The following FDFT1 variants were observed in gnomAD, a reference collection of about 807,000 sequenced individuals.
FDFT1 encodes farnesyl-diphosphate farnesyltransferase 1.
Under a neutral mutation model 46.8 loss-of-function variants are expected in FDFT1, and 68 were observed. The ratio of observed to expected loss-of-function variants is 1.45; its 90% CI spans 1.19 to 1.78. The LOEUF is 1.78. Among genes scored for constraint, FDFT1 ranks in the 40% most tolerant of loss-of-function variants. The pLI is 0.00. For missense variants in FDFT1, 928 were observed against 524.4 expected (o/e 1.77, Z -7.52); for synonymous variants, 351 against 185.1 (o/e 1.90, Z -7.28).
At chr8:11,802,272 G>C (rs1176553818), upstream of FDFT1, 3 of 382,896 alleles carry the variant, frequency 7.8e-6, no homozygotes, top group South Asian at 3.8e-5. Flanking sequence ...TACAGAGAGC[G>C]GCTGCAGAGC....
intron 2 of FDFT1, 55 bp from the exon 3 acceptor site, chr8:11,809,612 T>TA: frequency 6.6e-7 from 1 of 1,503,796 alleles, no homozygotes; most frequent in Admixed American, 2.2e-5. Flanking sequence ...TATTTTAAAA[T>TA]AAAAAATCTT....
chr8:11,797,477 C>T (rs1221302350), upstream of FDFT1, among the ~76,000 whole-genome samples: 2 of 151,744 alleles, frequency 1.3e-5, no homozygotes, highest in Admixed American at 6.6e-5. Flanking sequence ...TTTGTTTTTT[C>T]CCATGTCTCC....
At chr8:11,808,719 CA>C in intron 1 of FDFT1, 74 bp from the exon 2 acceptor site, 1 of 1,460,200 alleles carries the variant, frequency 6.8e-7, no homozygotes, top group African/African-American at 1.6e-5. Context: ...GTCCCACTCC[CA>C]CTCCCACTCC....
chr8:11,814,785 A>G (rs990941149), intron 3 of FDFT1, among the ~76,000 whole-genome samples: 12 of 150,986 alleles, frequency 7.9e-5, no homozygotes, highest in Non-Finnish European at 1.3e-4. Flanking sequence ...GCTTCATAAT[A>G]TAAATTGGGT....
chr8:11,814,599 A>G (rs1046819142), intron 3 of FDFT1, among the ~76,000 whole-genome samples: 1 of 152,198 alleles, frequency 6.6e-6, no homozygotes, highest in East Asian at 1.9e-4. Context: ...TAACCTATAA[A>G]CAATTCTTTG....
At chr8:11,806,283 C>T (rs1020350160) in intron 1 of FDFT1, among the ~76,000 whole-genome samples, 3 of 152,172 alleles carry the variant, frequency 2.0e-5, no homozygotes, top group African/African-American at 7.2e-5. Context: ...GAGGGACAGG[C>T]ACCAGTAGCC....
At chr8:11,836,148 A>G (rs543167968) in intron 7 of FDFT1, among the ~76,000 whole-genome samples, 939 of 72,806 alleles carry the variant, frequency 0.013, 11 homozygotes, top group African/African-American at 0.034. Context: ...GCGAGACACC[A>G]TCTTAAAAAA....
intron 3 of FDFT1, among the ~76,000 whole-genome samples, chr8:11,812,502 C>A (rs918147399): frequency 6.6e-5 from 10 of 152,188 alleles, no homozygotes; most frequent in African/African-American, 1.9e-4. Context: ...ATATGGGGAT[C>A]AGCTGTCTGT....
chr8:11,795,987 A>C (rs1168200901), exon 1 of FDFT1: 1 of 152,246 alleles, frequency 6.6e-6, no homozygotes, highest in Non-Finnish European at 1.5e-5. Flanking sequence ...AATTCCGGAC[A>C]CACTTGGACT....
At chr8:11,831,420 C>A in intron 6 of FDFT1, 98 bp from the exon 7 acceptor site, 3 of 999,556 alleles carry the variant, frequency 3.0e-6, no homozygotes, top group South Asian at 1.5e-5. Flanking sequence ...TAGCAGTTAG[C>A]AATTGCCCAT....
intron 1 of FDFT1, among the ~76,000 whole-genome samples, chr8:11,806,156 TGTC>T (rs1044166282): frequency 1.3e-5 from 2 of 152,270 alleles, no homozygotes; most frequent in East Asian, 1.9e-4. Flanking sequence ...AGTCTGGTCT[TGTC>T]GTCTTCCTGA....
intron 3 of FDFT1, among the ~76,000 whole-genome samples, chr8:11,814,476 C>G (rs948799094): frequency 3.4e-5 from 5 of 145,934 alleles, no homozygotes; most frequent in Non-Finnish European, 7.4e-5. Flanking sequence ...TAAACACAGA[C>G]CAGGTATATT....
intron 5 of FDFT1, among the ~76,000 whole-genome samples, chr8:11,828,335 A>G (rs1810298329): frequency 6.6e-6 from 1 of 152,208 alleles, no homozygotes; most frequent in African/African-American, 2.4e-5. Flanking sequence ...CACTTCCCTC[A>G]GCTCAGACAT....
At chr8:11,825,954 A>C in intron 4 of FDFT1, 70 bp from the exon 5 acceptor site, 2 of 1,083,122 alleles carry the variant, frequency 1.8e-6, no homozygotes, top group Non-Finnish European at 2.5e-6. Context: ...TTTTGTAGCT[A>C]ATGATCTCTA....
intron 3 of FDFT1, among the ~76,000 whole-genome samples, chr8:11,813,037 C>T (rs552716701): frequency 2.1e-5 from 3 of 144,550 alleles, no homozygotes; most frequent in African/African-American, 8.2e-5. Context: ...CAGGCCATTG[C>T]TCCAAGGCTG....
chr8:11,796,224 G>A (rs1805550039), intron 1 of FDFT1, among the ~76,000 whole-genome samples: 1 of 152,234 alleles, frequency 6.6e-6, no homozygotes, highest in Admixed American at 6.5e-5. Flanking sequence ...TTCTGTTAAT[G>A]GAAAAAGTGC....
chr8:11,815,895 G>C (rs998654197), intron 3 of FDFT1, among the ~76,000 whole-genome samples: 7 of 152,176 alleles, frequency 4.6e-5, no homozygotes, highest in African/African-American at 1.2e-4. Flanking sequence ...GTCTAGTTTG[G>C]CTTTTGTTGC....
chr8:11,810,712 C>T (rs1807595447), intron 3 of FDFT1, among the ~76,000 whole-genome samples: 1 of 152,068 alleles, frequency 6.6e-6, no homozygotes. Context: ...ACTGATTCTT[C>T]CATATCTTAT....
chr8:11,803,006 G>GC, intron 1 of FDFT1, 75 bp downstream of exon 1: 1 of 1,531,840 alleles, frequency 6.5e-7, no homozygotes, highest in East Asian at 2.4e-5. Flanking sequence ...GAGCGGCCGG[G>GC]CCCGGATCTG....
Sources: gnomAD v4.1 joint callset for allele counts (sites outside exome capture counted in the v4.1 genomes callset) on GRCh38, gnomAD v4.1.1 for gene constraint, MANE v1.5 for transcripts, NCBI Gene and HGNC (gene_info 2026-07-23, HGNC 2026-07-21) for gene names.